Variants in DIDO1 observed in about 807,000 individuals in gnomAD.
DIDO1 encodes the protein death-inducer obliterator 1.
Under a neutral mutation model 99.4 loss-of-function variants are expected in DIDO1, and 16 were observed. The observed-to-expected ratio is 0.16, with a 90% confidence interval of 0.11 to 0.24. DIDO1 has a LOEUF of 0.24. Among genes scored for constraint, DIDO1 ranks in the 10% least tolerant of loss-of-function variants. The pLI is 1.00. For missense variants in DIDO1, 2,996 were observed against 3,014.0 expected (o/e 0.99, Z 0.14); for synonymous variants, 1,366 against 1,239.1 (o/e 1.10, Z -2.15).
intron 15 of DIDO1, chr20:62,889,733 A>G (rs767660412): frequency 1.0e-6 from 1 of 985,424 alleles, no homozygotes; most frequent in Non-Finnish European, 1.2e-6. Flanking sequence ...TCTGCCACCC[A>G]TTAGGTGGCA....
At chr20:62,927,006 C>A (rs1704112952), upstream of DIDO1, among the ~76,000 whole-genome samples, 7 of 152,194 alleles carry the variant, frequency 4.6e-5, no homozygotes, top group South Asian at 1.4e-3. Flanking sequence ...CTGGGAATGG[C>A]AGCGAGGGGC....
chr20:62,910,829 C>T lies in DIDO1; in HGVS notation c.784G>A (p.Glu262Lys). ...TACAGGGCGTTGGGGTCGTAACCCT[C>T]ACATTCAGGCTTCGGTCGGCCCAAG... Reference protein sequence around the residue: ...GDLGRPKPECEGYDPNALYCI... With the variant: ...GDLGRPKPECKGYDPNALYCI... The change falls in exon 3 of 16, where the codon GAG becomes AAG. Residue 262 changes from glutamate to lysine, a missense_variant. Glu to Lys is a moderately conservative substitution (Grantham distance 56). Around this residue, in one of 5 missense-constraint regions of DIDO1, gnomAD observed 388 missense variants for 376.6 expected, o/e 1.03. Transcript: ENST00000395343. 9.3e-6 allele frequency: 15 copies of T among 1,614,234 alleles called. No homozygotes were observed. Among genetic ancestry groups the T allele is most frequent in the Non-Finnish European group, 1.3e-5 (15 of 1,180,052 alleles).
intron 6 of DIDO1, among the ~76,000 whole-genome samples, chr20:62,901,951 G>T (rs536280112): frequency 6.6e-6 from 1 of 151,914 alleles, no homozygotes; most frequent in African/African-American, 2.4e-5. Flanking sequence ...CGAGAATGCC[G>T]AGGAGGCTTT....
chr20:62,930,532 C>A (rs1456103532), upstream of DIDO1, among the ~76,000 whole-genome samples: 2 of 152,166 alleles, frequency 1.3e-5, no homozygotes, highest in Non-Finnish European at 2.9e-5. Flanking sequence ...GCTACACGTT[C>A]TATGCGGCAT....
chr20:62,919,644 T>G (rs2065099972), intron 1 of DIDO1, among the ~76,000 whole-genome samples: 1 of 152,194 alleles, frequency 6.6e-6, no homozygotes, highest in Non-Finnish European at 1.5e-5. Flanking sequence ...GTTTTACATT[T>G]CTTGGGTATT....
chr20:62,885,138 A>T (rs2064277345), intron 15 of DIDO1, among the ~76,000 whole-genome samples: 1 of 152,210 alleles, frequency 6.6e-6, no homozygotes. Flanking sequence ...CCCTGGGGTG[A>T]AGGGCACTGA....
At chr20:62,936,481 G>A (rs1172785045) in intron 1 of DIDO1, among the ~76,000 whole-genome samples, 1 of 151,910 alleles carries the variant, frequency 6.6e-6, no homozygotes, top group African/African-American at 2.4e-5. Context: ...CTTGAACCCA[G>A]GAGGCGGAGG....
chr20:62,879,608 C>G lies in DIDO1; in HGVS notation c.6348G>C (p.Glu2116Asp), dbSNP rs1331560910. The change falls in exon 16 of 16, where the codon GAG becomes GAC. Residue 2116 changes from glutamate (E) to aspartate (D), a missense_variant. This residue lies in a region of DIDO1 where 1,562 missense variants were observed against 1,412.6 expected (regional missense o/e 1.11). Coordinates refer to ENST00000395343, the MANE Select transcript of DIDO1 (RefSeq NM_001193369.2). The surrounding 1 kb of genome is among the most constrained non-coding windows in gnomAD (Gnocchi z 6.3). The part of the protein sequence containing the change: ...QGRASEDRRR[E>D]RERGRNWSRE... ...GGCTCCAGTTTCGGCCGCGCTCGCG[C>G]TCTCTCCTCCTGTCCTCGGACGCCC... 1 of 1,604,502 alleles carries G rather than the reference C, an allele frequency of 6.2e-7. No homozygotes were observed.
In DIDO1 at chr20:62,878,946, TAA is replaced by T; in HGVS notation, c.*285_*286del. 3.1e-6 allele frequency: 1 copy of T among 323,032 alleles called. No individual in the cohort carries two copies. The highest frequency in any genetic ancestry group is 5.5e-6 in the Non-Finnish European group (1 of 180,306). 20.0% of individuals were successfully genotyped at this position (323,032 alleles called of 1,614,324 possible). On this transcript the variant is annotated 3_prime_UTR_variant, in exon 16 of 16. Transcript: ENST00000395343. The stretch of plus-strand genomic sequence containing the variant: ...AACGAAACTCCCTTAAAATTTACAA[TAA>T]AGTTATTGGAAAAGATAACTATGAT...
In DIDO1 at chr20:62,878,224, T is replaced by A. The variant is rs1000826061; in HGVS notation, c.*1009A>T. Reference sequence around the variant, plus strand: ...AATAAATTAGCCAGATTTTTTTACTTCACACTTCAGAAGTACTCGAAAAAT... The same window carrying A: ...AATAAATTAGCCAGATTTTTTTACTACACACTTCAGAAGTACTCGAAAAAT... On this transcript the variant is annotated 3_prime_UTR_variant, in exon 16 of 16. Transcript: ENST00000395343. 3.9e-5 allele frequency: 6 copies of A among 152,240 alleles called. No homozygotes were observed. Among genetic ancestry groups the A allele is most frequent in the Non-Finnish European group, 8.8e-5 (6 of 68,048 alleles). 9.4% of individuals were successfully genotyped at this position (152,240 alleles called of 1,614,324 possible).
rs373947316 is a variant in DIDO1, at chr20:62,881,222, G to A, written c.4734C>T (p.Leu1578=). 4.4e-6 allele frequency: 7 copies of A among 1,604,796 alleles called. No homozygotes were observed. Among genetic ancestry groups the A allele is most frequent in the Middle Eastern group, 3.3e-4 (2 of 6,046 alleles). ...TETGEGEGEP[L]SRLSARGAQG... The stretch of plus-strand genomic sequence containing the variant: ...GGGCACCACGTGCCGAGAGCCTGGA[G>A]AGAGGCTCCCCCTCCCCCTCACCGG... Residue 1578 remains leucine, a synonymous_variant, in exon 16 of 16, where the codon CTC becomes CTT. Transcript: ENST00000395343. The surrounding 1 kb of genome is among the most constrained non-coding windows in gnomAD (Gnocchi z 8.3).
intron 15 of DIDO1, chr20:62,888,782 C>T (rs1309207367): frequency 9.1e-6 from 9 of 985,326 alleles, no homozygotes; most frequent in East Asian, 2.3e-4. Context: ...GCCGAGTACC[C>T]GATGGCCTGG....
intron 1 of DIDO1, among the ~76,000 whole-genome samples, chr20:62,921,924 T>C (rs886895478): frequency 4.0e-5 from 6 of 149,516 alleles, no homozygotes; most frequent in African/African-American, 1.0e-4. Flanking sequence ...ATACACTATA[T>C]ATGTCCAAAA....
At chr20:62,895,851 A>T (rs536342033) in intron 8 of DIDO1, among the ~76,000 whole-genome samples, 2 of 152,332 alleles carry the variant, frequency 1.3e-5, no homozygotes, top group South Asian at 4.1e-4. Flanking sequence ...ATGAGAAAAT[A>T]AGGTGGAAAA....
Position 62,879,577 on chromosome 20 carries a change from G to A in DIDO1, c.6379C>T (p.Arg2127Trp), listed in dbSNP as rs1382659781. The part of the protein sequence containing the change: ...RERGRNWSRE[R>W]DWDRPREWDR... ...CACTCCCGGGGCCGGTCCCAGTCCC[G>A]CTCTCGGCTCCAGTTTCGGCCGCGC... Residue 2127 changes from arginine (R) to tryptophan (W), a missense_variant, in exon 16 of 16, where the codon CGG becomes TGG. By Grantham distance (101) the Arg-to-Trp change is moderately radical. Around this residue, in one of 5 missense-constraint regions of DIDO1, gnomAD observed 1,562 missense variants for 1,412.6 expected, o/e 1.11. Coordinates refer to ENST00000395343, the MANE Select transcript of DIDO1 (RefSeq NM_001193369.2). This position sits in a 1 kb window ranked among gnomAD's most constrained non-coding sequence, Gnocchi z 6.3. 6.2e-6 allele frequency: 10 copies of A among 1,602,304 alleles called. No individual in the cohort carries two copies. Among genetic ancestry groups the A allele is most frequent in the Non-Finnish European group, 8.5e-6 (10 of 1,179,532 alleles).
intron 6 of DIDO1, among the ~76,000 whole-genome samples, chr20:62,899,856 C>T (rs956595158): frequency 6.6e-6 from 1 of 152,192 alleles, no homozygotes; most frequent in African/African-American, 2.4e-5. Context: ...TCCAGGGACC[C>T]GAGCACACAC....
Position 62,882,119 on chromosome 20 carries a change from G to C in DIDO1, c.3837C>G (p.Leu1279=). 3 of 1,613,206 alleles carry C rather than the reference G, an allele frequency of 1.9e-6. No homozygotes were observed. The South Asian group carries it at 3.3e-5, about 18-fold the overall frequency. The change falls in exon 16 of 16, where the codon CTC becomes CTG. Residue 1279 remains leucine, a synonymous_variant. Transcript: ENST00000395343. ...TGGCTGGGCTGGGGGCTGCAGGTTT[G>C]AGGGATGACAGCACTTTTAGCACCG... The part of the protein sequence containing the change: ...EPPVLKVLSS[L]KPAAPSPATA...
At chr20:62,920,979 C>T (rs1279880273) in intron 1 of DIDO1, among the ~76,000 whole-genome samples, 1 of 152,158 alleles carries the variant, frequency 6.6e-6, no homozygotes, top group Admixed American at 6.5e-5. Flanking sequence ...CTGCAACCTC[C>T]GCCTCCTGGG....
intron 15 of DIDO1, 167 bp downstream of exon 15, chr20:62,890,793 A>C: frequency 6.8e-7 from 1 of 1,463,918 alleles, no homozygotes; most frequent in African/African-American, 1.4e-5. Flanking sequence ...CTCGTGCCAC[A>C]GTCCTACGCC....
Sources: allele counts gnomAD v4.1 joint callset (sites outside exome capture counted in the v4.1 genomes callset), GRCh38; gene constraint gnomAD v4.1.1; regional missense constraint gnomAD v4.1.1; non-coding constraint Gnocchi (gnomAD v3.1); transcripts MANE v1.5; gene names NCBI Gene and HGNC (gene_info 2026-07-23, HGNC 2026-07-21).